GPHN: variants seen among roughly 807,000 people sequenced by gnomAD.
GPHN encodes the protein gephyrin.
Under a neutral mutation model 95.5 loss-of-function variants are expected in GPHN, and 17 were observed. The observed-to-expected ratio is 0.18, with a 90% CI of 0.12 to 0.27. GPHN has a LOEUF of 0.27. Ranked by LOEUF, GPHN falls within the 10% of genes least tolerant of loss-of-function variation. The probability of loss-of-function intolerance (pLI) is 1.00; values close to 1 mark genes in which losing one functional copy is unlikely to be tolerated. For synonymous variants in GPHN, 320 were observed against 322.5 expected, an observed-to-expected ratio of 0.99 and a Z score of 0.08; for missense variants, 660 against 978.1, an observed-to-expected ratio of 0.67 and a Z score of 4.34.
chr14:67,392,452 C>T, the GPHN span: 3 of 1,554,714 alleles, frequency 1.9e-6, no homozygotes, highest in Non-Finnish European at 1.8e-6. Flanking sequence ...GGAGCAAGGA[C>T]TCTGCTACAG....
At chr14:66,842,061 C>T (rs1340513699) in intron 4 of GPHN, among the ~76,000 whole-genome samples, 1 of 143,380 alleles carries the variant, frequency 7.0e-6, no homozygotes, top group African/African-American at 2.6e-5. Flanking sequence ...CCCCCGCCCC[C>T]GCCCCAACCC....
At chr14:66,779,577 A>AC (rs931746556) in intron 3 of GPHN, among the ~76,000 whole-genome samples, 1 of 152,166 alleles carries the variant, frequency 6.6e-6, no homozygotes, top group Non-Finnish European at 1.5e-5. Context: ...ATGAAGATAA[A>AC]CCAAGAGTTT....
chr14:66,711,485 G>T (rs532095939), intron 2 of GPHN, among the ~76,000 whole-genome samples: 1 of 151,902 alleles, frequency 6.6e-6, no homozygotes, highest in East Asian at 1.9e-4. Flanking sequence ...GTTGTGAATT[G>T]TGCTGCCATA....
At chr14:66,818,004 A>C (rs1017850580) in intron 3 of GPHN, among the ~76,000 whole-genome samples, 1 of 152,208 alleles carries the variant, frequency 6.6e-6, no homozygotes, top group Non-Finnish European at 1.5e-5. Context: ...ACAGTAGTAT[A>C]TGTGTAATTA....
the GPHN span, chr14:67,571,467 C>T: frequency 2.8e-6 from 1 of 353,452 alleles, no homozygotes; most frequent in East Asian, 4.3e-5. Context: ...TTCTGGCCCC[C>T]TAGTGGCAAG....
At chr14:67,059,879 A>C (rs924674127) in intron 11 of GPHN, among the ~76,000 whole-genome samples, 1 of 152,184 alleles carries the variant, frequency 6.6e-6, no homozygotes, top group African/African-American at 2.4e-5. Context: ...AATAAAGGAA[A>C]GATTAGAAAA....
the GPHN span, among the ~76,000 whole-genome samples, chr14:67,535,907 A>G: frequency 3.9e-5 from 6 of 152,322 alleles, no homozygotes; most frequent in African/African-American, 1.4e-4. Flanking sequence ...GTTCAACCAA[A>G]TATTATTGTC....
the GPHN span, among the ~76,000 whole-genome samples, chr14:67,643,751 G>A: frequency 6.7e-6 from 1 of 149,802 alleles, no homozygotes; most frequent in Non-Finnish European, 1.5e-5. Context: ...GACTCTTCTG[G>A]TGATTATTTT....
chr14:67,086,033 C>G (rs2076870180), intron 11 of GPHN, among the ~76,000 whole-genome samples: 1 of 152,202 alleles, frequency 6.6e-6, no homozygotes, highest in Admixed American at 6.5e-5. Context: ...GTAGCATAGT[C>G]AGAATTTCCT....
chr14:67,119,405 A>G (rs1014326552), intron 16 of GPHN, among the ~76,000 whole-genome samples: 4 of 152,208 alleles, frequency 2.6e-5, no homozygotes, highest in Non-Finnish European at 5.9e-5. Flanking sequence ...TAAAAGAGTG[A>G]ATGAAAATGT....
At chr14:66,933,215 A>C (rs2066921953) in intron 8 of GPHN, among the ~76,000 whole-genome samples, 1 of 152,220 alleles carries the variant, frequency 6.6e-6, no homozygotes, top group Non-Finnish European at 1.5e-5. Context: ...AGTAGAATGA[A>C]AAGGAAGAAA....
intron 2 of GPHN, among the ~76,000 whole-genome samples, chr14:66,759,222 CTT>C (rs1231331517): frequency 1.3e-5 from 2 of 152,288 alleles, no homozygotes; most frequent in African/African-American, 2.4e-5. Context: ...AAATTCCACT[CTT>C]GAGGTCCCAA....
chr14:67,650,728 A>G, the GPHN span: 1 of 1,614,016 alleles, frequency 6.2e-7, no homozygotes, highest in Non-Finnish European at 8.5e-7. Flanking sequence ...TGCTATCAGC[A>G]CTGGATCTTG....
intron 17 of GPHN, among the ~76,000 whole-genome samples, chr14:67,130,035 T>G (rs947833203): frequency 1.3e-5 from 2 of 152,228 alleles, no homozygotes; most frequent in African/African-American, 2.4e-5. Flanking sequence ...CATGTCGTTC[T>G]TTCTTCTTTT....
chr14:67,497,156 G>T, the GPHN span, among the ~76,000 whole-genome samples: 1 of 152,156 alleles, frequency 6.6e-6, no homozygotes, highest in African/African-American at 2.4e-5. Context: ...AGAAATCACA[G>T]CGAGGGAGAG....
intron 5 of GPHN, among the ~76,000 whole-genome samples, chr14:66,884,220 T>C (rs2153536305): frequency 6.6e-6 from 1 of 152,204 alleles, no homozygotes; most frequent in Non-Finnish European, 1.5e-5. Flanking sequence ...ACTGTCATTA[T>C]GGTATTGCAG....
the GPHN span, among the ~76,000 whole-genome samples, chr14:67,505,306 C>T: frequency 6.6e-6 from 1 of 152,222 alleles, no homozygotes; most frequent in African/African-American, 2.4e-5. Flanking sequence ...AACTGGCCCT[C>T]CTGTCAAGCT....
intron 1 of GPHN, among the ~76,000 whole-genome samples, chr14:66,614,778 T>C (rs2062933205): frequency 1.3e-5 from 2 of 152,162 alleles, no homozygotes; most frequent in Non-Finnish European, 2.9e-5. Context: ...GGGATACATA[T>C]GCAGAACCTG....
At chr14:67,671,021 G>T in the GPHN span, among the ~76,000 whole-genome samples, 1 of 152,210 alleles carries the variant, frequency 6.6e-6, no homozygotes, top group East Asian at 1.9e-4. Context: ...AAAACTTTAT[G>T]ATGTGGTCTC....
Sources: gnomAD v4.1 joint callset for allele counts (sites outside exome capture counted in the v4.1 genomes callset) on GRCh38, gnomAD v4.1.1 for gene constraint, MANE v1.5 for transcripts, NCBI Gene and HGNC (gene_info 2026-07-23, HGNC 2026-07-21) for gene names.